Variants in TG observed in about 807,000 individuals in gnomAD.
TG encodes thyroid hormones.
In TG, 270 loss-of-function variants were observed where a neutral mutation model predicts 324.7. The observed-to-expected ratio is 0.83, with a 90% CI of 0.75 to 0.92. The LOEUF (loss-of-function observed/expected upper bound fraction) is 0.92. TG is among the 40% of genes least tolerant of loss of function. The probability of loss-of-function intolerance (pLI) is 0.00; values close to 1 mark genes in which losing one functional copy is unlikely to be tolerated. For synonymous variants in TG, 1,401 were observed against 1,327.0 expected, an observed-to-expected ratio of 1.06 and a Z score of -1.21; for missense variants, 3,591 against 3,456.4, an observed-to-expected ratio of 1.04 and a Z score of -0.98.
chr8:132,898,286 G>A (rs1817414332), intron 13 of TG, 40 bp downstream of exon 13: 1 of 1,547,418 alleles, frequency 6.5e-7, no homozygotes, highest in Non-Finnish European at 8.8e-7. Context: ...GACCCCCCTT[G>A]GTGGGCATCA....
chr8:132,931,543 G>A (rs1279165670), intron 23 of TG, among the ~76,000 whole-genome samples: 3 of 152,192 alleles, frequency 2.0e-5, no homozygotes, highest in African/African-American at 7.2e-5. Context: ...TCAGGAATAG[G>A]AGAGAAATGT....
intron 5 of TG, among the ~76,000 whole-genome samples, chr8:132,876,671 C>T (rs1243210337): frequency 6.6e-6 from 1 of 152,126 alleles, no homozygotes; most frequent in Non-Finnish European, 1.5e-5. Context: ...TTTAAAGAAC[C>T]ATGTTGTAAT....
chr8:132,999,109 A>T (rs1833183086), intron 35 of TG, among the ~76,000 whole-genome samples: 3 of 152,286 alleles, frequency 2.0e-5, no homozygotes, highest in Middle Eastern at 3.4e-3. Context: ...GGTTTCTGGG[A>T]CACAGGAGGC....
At chr8:132,997,852 G>A in intron 35 of TG, among the ~76,000 whole-genome samples, 1 of 152,190 alleles carries the variant, frequency 6.6e-6, no homozygotes, top group Middle Eastern at 3.2e-3. Context: ...ATTAAAAACA[G>A]TATGTTCCAC....
intron 26 of TG, among the ~76,000 whole-genome samples, chr8:132,945,630 TTCTAGGAG>T (rs1825144290): frequency 6.6e-6 from 1 of 152,100 alleles, no homozygotes; most frequent in Admixed American, 6.5e-5. Flanking sequence ...GAATGCAGTT[TTCTAGGAG>T]GAGGGTGCAG....
chr8:133,026,806 A>C (rs1836128901), intron 40 of TG, among the ~76,000 whole-genome samples: 1 of 152,214 alleles, frequency 6.6e-6, no homozygotes, highest in Non-Finnish European at 1.5e-5. Context: ...GCCCCCTCAC[A>C]GGCAGGCTGG....
chr8:132,898,368 G>T, intron 13 of TG, 122 bp downstream of exon 13: 1 of 944,492 alleles, frequency 1.1e-6, no homozygotes, highest in Non-Finnish European at 1.7e-6. Context: ...GGTCCCGGGT[G>T]CAGCCAGACG....
At chr8:132,981,865 G>C (rs1038213430) in intron 34 of TG, among the ~76,000 whole-genome samples, 3 of 152,154 alleles carry the variant, frequency 2.0e-5, no homozygotes, top group Non-Finnish European at 2.9e-5. Context: ...TAATAGGATT[G>C]AAGGCTCTAG....
intron 20 of TG, among the ~76,000 whole-genome samples, chr8:132,915,029 T>G (rs1179332717): frequency 6.6e-6 from 1 of 152,120 alleles, no homozygotes; most frequent in East Asian, 1.9e-4. Context: ...CTGATGTACA[T>G]ATGCATATGT....
chr8:132,991,806 G>T (rs1190851430), intron 35 of TG, among the ~76,000 whole-genome samples: 1 of 152,116 alleles, frequency 6.6e-6, no homozygotes, highest in East Asian at 1.9e-4. Context: ...TTGCTGTAAT[G>T]TGTGAGGCTG....
At chr8:133,058,368 C>T (rs914473750) in intron 41 of TG, among the ~76,000 whole-genome samples, 2 of 152,182 alleles carry the variant, frequency 1.3e-5, no homozygotes, top group Non-Finnish European at 2.9e-5. Flanking sequence ...CTCTCTATGT[C>T]TGTTCTAGAG....
chr8:133,065,934 C>T (rs1262434030), intron 41 of TG, among the ~76,000 whole-genome samples: 1 of 151,932 alleles, frequency 6.6e-6, no homozygotes, highest in Non-Finnish European at 1.5e-5. Context: ...GGGTTTCCAG[C>T]GGGGATGAGG....
At chr8:133,106,113 G>A (rs1849779402) in intron 43 of TG, among the ~76,000 whole-genome samples, 1 of 152,150 alleles carries the variant, frequency 6.6e-6, no homozygotes, top group African/African-American at 2.4e-5. Flanking sequence ...GCACACTGAA[G>A]GTCTGAAAGA....
intron 41 of TG, among the ~76,000 whole-genome samples, chr8:133,075,776 A>C (rs923251404): frequency 6.6e-6 from 1 of 152,140 alleles, no homozygotes; most frequent in East Asian, 1.9e-4. Context: ...ATACATCTAC[A>C]TCTATATATC....
At chr8:133,034,823 G>T (rs928285395) in intron 41 of TG, among the ~76,000 whole-genome samples, 2 of 152,138 alleles carry the variant, frequency 1.3e-5, no homozygotes, top group Non-Finnish European at 2.9e-5. Flanking sequence ...GTAGGGAGGG[G>T]ATGGAGAGGA....
At chr8:132,870,910 CT>C (rs1368734414) in intron 3 of TG, among the ~76,000 whole-genome samples, 1 of 152,158 alleles carries the variant, frequency 6.6e-6, no homozygotes, top group Non-Finnish European at 1.5e-5. Flanking sequence ...ACTCAAACAC[CT>C]CCCACATTGG....
At chr8:133,108,736 A>G (rs955082912) in intron 43 of TG, among the ~76,000 whole-genome samples, 9 of 152,184 alleles carry the variant, frequency 5.9e-5, no homozygotes, top group African/African-American at 2.2e-4. Flanking sequence ...CATTCAATGC[A>G]TATTTACCTA....
chr8:132,895,920 G>T (rs573618092), intron 11 of TG, among the ~76,000 whole-genome samples: 1 of 152,320 alleles, frequency 6.6e-6, no homozygotes, highest in Non-Finnish European at 1.5e-5. Context: ...CACATGCTCC[G>T]CTTTGCATGT....
intron 41 of TG, among the ~76,000 whole-genome samples, chr8:133,062,707 AG>A (rs1371414280): frequency 6.6e-6 from 1 of 152,058 alleles, no homozygotes; most frequent in Non-Finnish European, 1.5e-5. Context: ...TGACACGCAC[AG>A]GGTGTCGTAC....
Sources: allele counts gnomAD v4.1 joint callset (sites outside exome capture counted in the v4.1 genomes callset), GRCh38; gene constraint gnomAD v4.1.1; transcripts MANE v1.5; gene names NCBI Gene and HGNC (gene_info 2026-07-23, HGNC 2026-07-21).